The following ATP8A2 variants were observed in gnomAD, a reference collection of about 807,000 sequenced individuals.
ATP8A2 encodes ATPase phospholipid transporting 8A2.
A neutral mutation model predicts 165.6 loss-of-function variants in ATP8A2; 100 were observed. The observed-to-expected ratio is 0.60, with a 90% confidence interval of 0.51 to 0.71. The LOEUF (loss-of-function observed/expected upper bound fraction) is 0.71, where lower values mean the gene tolerates loss of function less well. Among genes scored for constraint, ATP8A2 ranks in the 30% least tolerant of loss-of-function variants. The pLI is 0.00. For synonymous variants in ATP8A2, 543 were observed against 548.8 expected (o/e 0.99, Z 0.15); for missense variants, 1,227 against 1,479.5 (o/e 0.83, Z 2.80).
At chr13:25,610,694 T>C (rs2040660679) in intron 24 of ATP8A2, among the ~76,000 whole-genome samples, 1 of 152,162 alleles carries the variant, frequency 6.6e-6, no homozygotes, top group Non-Finnish European at 1.5e-5. Flanking sequence ...AATTTGTAGA[T>C]TGCTTTGGCA....
At chr13:25,922,598 A>G (rs981922799) in intron 33 of ATP8A2, among the ~76,000 whole-genome samples, 10 of 152,230 alleles carry the variant, frequency 6.6e-5, no homozygotes, top group African/African-American at 2.4e-4. Context: ...CCAAGTGCTC[A>G]GAGGTTATAC....
chr13:25,790,398 A>G (rs1366560779), intron 27 of ATP8A2, among the ~76,000 whole-genome samples: 1 of 152,130 alleles, frequency 6.6e-6, no homozygotes, highest in African/African-American at 2.4e-5. Context: ...CAACCCCATT[A>G]AAAAGTGGGT....
At chr13:25,534,221 G>C (rs1220021405) in intron 6 of ATP8A2, 1 of 532,766 alleles carries the variant, frequency 1.9e-6, no homozygotes, top group East Asian at 5.4e-5. Context: ...CCTTTATAGT[G>C]TTTTACAGTA....
intron 25 of ATP8A2, among the ~76,000 whole-genome samples, chr13:25,730,823 CCT>C (rs1375298902): frequency 1.3e-5 from 2 of 151,922 alleles, no homozygotes; most frequent in Non-Finnish European, 2.9e-5. Context: ...CACCTGTAAT[CCT>C]AGCACTTTGG....
At chr13:26,016,686 T>C (rs1266201223) in intron 36 of ATP8A2, among the ~76,000 whole-genome samples, 1 of 152,098 alleles carries the variant, frequency 6.6e-6, no homozygotes, top group Non-Finnish European at 1.5e-5. Flanking sequence ...CCAAAAGAGG[T>C]ATAATAGGTA....
intron 24 of ATP8A2, among the ~76,000 whole-genome samples, chr13:25,647,778 T>C (rs2041711923): frequency 6.6e-6 from 1 of 152,040 alleles, no homozygotes; most frequent in South Asian, 2.1e-4. Context: ...CTCTGCCTTC[T>C]GGGTTCAAGT....
At chr13:25,433,461 C>T (rs936164486) in intron 1 of ATP8A2, among the ~76,000 whole-genome samples, 1 of 151,916 alleles carries the variant, frequency 6.6e-6, no homozygotes, top group African/African-American at 2.4e-5. Flanking sequence ...TCTGTAGAGA[C>T]GGGGGTCTTG....
intron 2 of ATP8A2, among the ~76,000 whole-genome samples, chr13:25,495,231 G>T (rs2036638944): frequency 6.6e-6 from 1 of 152,166 alleles, no homozygotes; most frequent in African/African-American, 2.4e-5. Flanking sequence ...TTCAGGAAAG[G>T]CCAGAGTGTG....
intron 33 of ATP8A2, among the ~76,000 whole-genome samples, chr13:25,924,487 T>A (rs1390066142): frequency 1.3e-5 from 2 of 152,176 alleles, no homozygotes; most frequent in Non-Finnish European, 2.9e-5. Flanking sequence ...TGTCTGTGTC[T>A]GTGTCCAAAT....
chr13:25,942,544 T>A (rs887695516), intron 33 of ATP8A2, among the ~76,000 whole-genome samples: 1 of 152,122 alleles, frequency 6.6e-6, no homozygotes, highest in Admixed American at 6.6e-5. Context: ...TGCCTCAGCC[T>A]CTCGAGTAGC....
chr13:25,467,299 G>A, intron 1 of ATP8A2, among the ~76,000 whole-genome samples: 1 of 152,204 alleles, frequency 6.6e-6, no homozygotes, highest in East Asian at 1.9e-4. Context: ...CACCCACTAG[G>A]CGTCCCCATC....
At chr13:25,430,189 G>T (rs1430201028) in intron 1 of ATP8A2, among the ~76,000 whole-genome samples, 1 of 152,098 alleles carries the variant, frequency 6.6e-6, no homozygotes, top group Non-Finnish European at 1.5e-5. Context: ...CCATGAGAGA[G>T]GTCCAGGCCC....
At chr13:25,431,378 A>G (rs1219834048) in intron 1 of ATP8A2, among the ~76,000 whole-genome samples, 1 of 151,954 alleles carries the variant, frequency 6.6e-6, no homozygotes, top group Non-Finnish European at 1.5e-5. Flanking sequence ...CGAACTCCCG[A>G]CCTCAAGTGG....
At chr13:25,927,012 C>G in intron 33 of ATP8A2, 1 of 403,242 alleles carries the variant, frequency 2.5e-6, no homozygotes, top group South Asian at 1.8e-5. Flanking sequence ...GCTGTGCCTC[C>G]CGCTCCTTCT....
intron 25 of ATP8A2, among the ~76,000 whole-genome samples, chr13:25,752,383 C>T (rs2044170478): frequency 6.6e-6 from 1 of 151,950 alleles, no homozygotes; most frequent in African/African-American, 2.4e-5. Flanking sequence ...ATCGCTTGAA[C>T]CCGGGAAAAG....
chr13:25,991,071 G>A (rs1956381558), intron 35 of ATP8A2, among the ~76,000 whole-genome samples: 4 of 152,134 alleles, frequency 2.6e-5, no homozygotes, highest in Admixed American at 1.3e-4. Context: ...AGGTCAGAAC[G>A]GCTCTGCCTG....
chr13:26,009,572 G>A (rs1009310991), intron 35 of ATP8A2, among the ~76,000 whole-genome samples: 2 of 152,170 alleles, frequency 1.3e-5, no homozygotes, highest in Admixed American at 6.5e-5. Context: ...GCTCAGGATG[G>A]AGTCAAGTTA....
intron 1 of ATP8A2, among the ~76,000 whole-genome samples, chr13:25,381,095 C>T (rs2032822126): frequency 6.6e-6 from 1 of 152,080 alleles, no homozygotes; most frequent in African/African-American, 2.4e-5. Flanking sequence ...TTGCTTGCGT[C>T]TTTTAGTATG....
At chr13:25,420,189 C>T (rs537511310) in intron 1 of ATP8A2, among the ~76,000 whole-genome samples, 54 of 152,318 alleles carry the variant, frequency 3.5e-4, no homozygotes, top group East Asian at 1.3e-3. Context: ...CCTCCTTGTC[C>T]TTTCAGGCTT....
Sources: gnomAD v4.1 joint callset for allele counts (sites outside exome capture counted in the v4.1 genomes callset) on GRCh38, gnomAD v4.1.1 for gene constraint, MANE v1.5 for transcripts, NCBI Gene and HGNC (gene_info 2026-07-23, HGNC 2026-07-21) for gene names.